The following ZC2HC1B variants were observed in gnomAD, a reference collection of about 807,000 sequenced individuals.
ZC2HC1B encodes the protein zinc finger C2HC-type containing 1B, also known as zinc finger C2HC domain-containing protein 1B.
In ZC2HC1B, 36 loss-of-function variants were observed where a neutral mutation model predicts 31.0. The ratio of observed to expected loss-of-function variants is 1.16; its 90% CI spans 0.89 to 1.54. ZC2HC1B has a LOEUF of 1.54. ZC2HC1B is among the 40% of genes most tolerant of loss of function. ZC2HC1B has a pLI of 0.00. For missense variants in ZC2HC1B, 260 were observed against 268.6 expected, an observed-to-expected ratio of 0.97 and a Z score of 0.22; for synonymous variants, 73 against 88.0, an observed-to-expected ratio of 0.83 and a Z score of 0.95.
At chr6:143,882,334 T>TATATATTTTATATATATATA (rs1554237238) in intron 1 of ZC2HC1B, among the ~76,000 whole-genome samples, 9 of 85,532 alleles carry the variant, frequency 1.1e-4, no homozygotes, top group African/African-American at 4.5e-4. Context: ...TTTATATTTT[T>TATATATTTTATATATATATA]TATATATATA....
chr6:143,891,455 C>A (rs1461430341), intron 4 of ZC2HC1B, among the ~76,000 whole-genome samples: 1 of 151,812 alleles, frequency 6.6e-6, no homozygotes, highest in African/African-American at 2.4e-5. Context: ...AATCCCAGCA[C>A]TTTGGGAGGC....
chr6:143,896,811 G>C (rs1777671123), intron 4 of ZC2HC1B, among the ~76,000 whole-genome samples: 2 of 152,002 alleles, frequency 1.3e-5, no homozygotes, highest in Admixed American at 1.3e-4. Context: ...TCCAGCACTG[G>C]GCTTTTTATC....
chr6:143,914,093 G>A (rs962295565), intron 6 of ZC2HC1B, among the ~76,000 whole-genome samples: 10 of 151,858 alleles, frequency 6.6e-5, no homozygotes, highest in East Asian at 3.9e-4. Flanking sequence ...ATTTCTCTCC[G>A]TCTAACCTTT....
At chr6:143,900,296 G>A (rs1348296216) in intron 5 of ZC2HC1B, among the ~76,000 whole-genome samples, 2 of 151,834 alleles carry the variant, frequency 1.3e-5, no homozygotes, top group Non-Finnish European at 2.9e-5. Context: ...GGCTGAGGCA[G>A]GAGAATTGCT....
chr6:143,907,424 A>C (rs1339041554), intron 6 of ZC2HC1B, among the ~76,000 whole-genome samples: 1 of 152,184 alleles, frequency 6.6e-6, no homozygotes, highest in Non-Finnish European at 1.5e-5. Flanking sequence ...CTTTTTCTCC[A>C]CAACCTTGCC....
chr6:143,896,235 C>T (rs1348840196), intron 4 of ZC2HC1B, among the ~76,000 whole-genome samples: 1 of 152,188 alleles, frequency 6.6e-6, no homozygotes, highest in Non-Finnish European at 1.5e-5. Flanking sequence ...GGGAAATAGA[C>T]TTCAACTTTG....
intron 6 of ZC2HC1B, among the ~76,000 whole-genome samples, 190 bp from the exon 7 acceptor site, chr6:143,937,459 T>C (rs537308836): frequency 3.9e-5 from 6 of 152,170 alleles, no homozygotes; most frequent in African/African-American, 1.2e-4. Flanking sequence ...TAGCCCCTGT[T>C]TTCCTTATTT....
In ZC2HC1B at chr6:143,891,109, T is replaced by C. The variant is rs1223088111; in HGVS notation, c.349+4288T>C. Among the ~76,000 whole-genome samples the C allele has an allele frequency of 8.3e-5, 12 of 144,704 alleles. No individual in the cohort carries two copies. The South Asian group carries it at 2.6e-3, about 31-fold the overall frequency. 94.9% of individuals were successfully genotyped at this position (144,704 alleles called of 152,430 possible). A position where few individuals can be genotyped will look rare whatever the true frequency, so the allele number is the denominator to read the frequency against. On this transcript the variant is annotated intron_variant, in intron 4 of 7. Coordinates refer to ENST00000237275, the MANE Select transcript of ZC2HC1B (RefSeq NM_001013623.3). ...TCGCACCACTGCAGTCTATCCTGGG[T>C]GACAGAGCAAGACTCCATCTCAAAA...
In ZC2HC1B at chr6:143,905,645, GAA is replaced by G. The variant is rs1029141974; in HGVS notation, c.598+2495_598+2496del. ...CTTGCATTGTTCTTGATCTCAGAGG[GAA>G]AGTTTTCAGTCTTTCAGCATTGAGT... On this transcript the variant is annotated intron_variant, in intron 6 of 7. Coordinates refer to ENST00000237275, the MANE Select transcript of ZC2HC1B (RefSeq NM_001013623.3). This position sits in a 1 kb window ranked among gnomAD's most constrained non-coding sequence, Gnocchi z 4.2. Among the ~76,000 whole-genome samples the G allele has an allele frequency of 1.3e-5, 2 of 152,078 alleles. No homozygotes were observed. The highest frequency in any genetic ancestry group is 2.9e-5 in the Non-Finnish European group (2 of 68,002).
At chr6:143,864,676 C>G in intron 1 of ZC2HC1B, 109 bp downstream of exon 1, 2 of 1,180,010 alleles carry the variant, frequency 1.7e-6, no homozygotes, top group South Asian at 1.4e-5. Context: ...CATGTGTGAT[C>G]CGTTTAAATC....
intron 6 of ZC2HC1B, among the ~76,000 whole-genome samples, chr6:143,919,947 T>A (rs1777968660): frequency 6.6e-6 from 1 of 152,190 alleles, no homozygotes. Flanking sequence ...AGTAATTAGT[T>A]TTTTCCTCAT....
Position 143,906,160 on chromosome 6 carries a change from C to T in ZC2HC1B, c.598+3008C>T, listed in dbSNP as rs117835894. On this transcript the variant is annotated intron_variant, in intron 6 of 7. Coordinates refer to ENST00000237275, the MANE Select transcript of ZC2HC1B (RefSeq NM_001013623.3). ...AATTCGCCAGTGAAGCCCTCAGGTC[C>T]GGAGCATTTTAATGTCATGAGATTT... 2.0e-3 allele frequency among the ~76,000 whole-genome samples: 304 copies of T among 152,188 alleles called. 6 individuals carry two copies. The East Asian group carries it at 0.038, about 19-fold the overall frequency.
At position 143,868,324 on chromosome 6, in the gene ZC2HC1B, A is replaced by G. The variant is rs1383295244; in HGVS notation, c.28+3757A>G. Reference sequence around the variant, plus strand: ...ACTCACAATCACAAGGTCCCACAATAGGCCGTCTGCAAGCTGAGGAGCAAG... The same window carrying G: ...ACTCACAATCACAAGGTCCCACAATGGGCCGTCTGCAAGCTGAGGAGCAAG... On this transcript the variant is annotated intron_variant, in intron 1 of 7. Coordinates refer to ENST00000237275, the MANE Select transcript of ZC2HC1B (RefSeq NM_001013623.3). This position sits in a 1 kb window ranked among gnomAD's most constrained non-coding sequence, Gnocchi z 4.2. Among the ~76,000 whole-genome samples the G allele has an allele frequency of 1.3e-5, 2 of 152,226 alleles. No individual in the cohort carries two copies. Among genetic ancestry groups the G allele is most frequent in the Non-Finnish European group, 2.9e-5 (2 of 68,052 alleles).
In ZC2HC1B at chr6:143,865,783, G is replaced by A. The variant is rs1777251343; in HGVS notation, c.28+1216G>A. ...AGGAGAGAAAGGCCTAAGAGATCCA[G>A]GCAGGGGGCAAAATCTTGAAGAATT... On this transcript the variant is annotated intron_variant, in intron 1 of 7. Transcript: ENST00000237275. This position sits in a 1 kb window ranked among gnomAD's most constrained non-coding sequence, Gnocchi z 4.4. Among the ~76,000 whole-genome samples, 1 of 152,140 alleles carries A rather than the reference G, an allele frequency of 6.6e-6. No homozygotes were observed. Among genetic ancestry groups the A allele is most frequent in the African/African-American group, 2.4e-5 (1 of 41,440 alleles).
Position 143,924,098 on chromosome 6 carries a change from T to C in ZC2HC1B, c.599-13551T>C, listed in dbSNP as rs1161228843. Among the ~76,000 whole-genome samples, 1 of 152,172 alleles carries C rather than the reference T, an allele frequency of 6.6e-6. No individual in the cohort carries two copies. The highest frequency in any genetic ancestry group is 1.5e-5 in the Non-Finnish European group (1 of 68,002). On this transcript the variant is annotated intron_variant, in intron 6 of 7. Coordinates refer to ENST00000237275, the MANE Select transcript of ZC2HC1B (RefSeq NM_001013623.3). This position sits in a 1 kb window ranked among gnomAD's most constrained non-coding sequence, Gnocchi z 5.2. ...CATGAGCATGGGATATCTTTCCATT[T>C]GTTTGTGTCCTCTTAACATTCTTTC... is the stretch of plus-strand genomic sequence containing the variant.
chr6:143,924,027 T>A lies in ZC2HC1B; in HGVS notation c.599-13622T>A, dbSNP rs186587631. 6.6e-6 allele frequency among the ~76,000 whole-genome samples: 1 copy of A among 152,256 alleles called. No homozygotes were observed. Among genetic ancestry groups the A allele is most frequent in the Non-Finnish European group, 1.5e-5 (1 of 67,998 alleles). On this transcript the variant is annotated intron_variant, in intron 6 of 7. Transcript: ENST00000237275. This position sits in a 1 kb window ranked among gnomAD's most constrained non-coding sequence, Gnocchi z 5.2. ...TAGGGATTACATTGAATCTGTAGAT[T>A]GCTTTGGGTAGTATGGTCATTTTAA...
chr6:143,886,147 C>A lies in ZC2HC1B; in HGVS notation c.206C>A (p.Ser69Tyr). 1 of 1,535,592 alleles carries A rather than the reference C, an allele frequency of 6.5e-7. No homozygotes were observed. Among genetic ancestry groups the A allele is most frequent in the South Asian group, 1.2e-5 (1 of 80,636 alleles). ...CCTACTGTGAAGAAGACTCCACAAT[C>A]CAAGGTACTCCTGATATCTTCTTTA... is the stretch of plus-strand genomic sequence containing the variant. ...DIPTVKKTPQ[S>Y]KSPPVRKSNW... The change falls in exon 3 of 8, where the codon TCC (serine) becomes TAC (tyrosine). Residue 69 changes from serine (S) to tyrosine (Y), a missense_variant. Coordinates refer to ENST00000237275, the MANE Select transcript of ZC2HC1B (RefSeq NM_001013623.3). The surrounding 1 kb of genome is among the most constrained non-coding windows in gnomAD (Gnocchi z 4.2).
chr6:143,867,330 G>A (rs534657486), intron 1 of ZC2HC1B, among the ~76,000 whole-genome samples: 1 of 152,258 alleles, frequency 6.6e-6, no homozygotes, highest in South Asian at 2.1e-4. Flanking sequence ...GCTTTTTGAG[G>A]TCAGTGTTTG....
At chr6:143,888,599 G>A (rs1191576239) in intron 4 of ZC2HC1B, among the ~76,000 whole-genome samples, 15 of 151,908 alleles carry the variant, frequency 9.9e-5, no homozygotes, top group Admixed American at 9.8e-4. Context: ...CAATGGACAA[G>A]TCTTTCACCT....
Sources: gnomAD v4.1 joint callset for allele counts (sites outside exome capture counted in the v4.1 genomes callset) on GRCh38, gnomAD v4.1.1 for gene constraint, Gnocchi (gnomAD v3.1) non-coding constraint, MANE v1.5 for transcripts, NCBI Gene and HGNC (gene_info 2026-07-23, HGNC 2026-07-21) for gene names.